The following CEP83 variants were observed in gnomAD, a reference collection of about 807,000 sequenced individuals.
CEP83 encodes the protein centrosomal protein 83, also known as centrosomal protein of 83 kDa.
Under a neutral mutation model 101.9 loss-of-function variants are expected in CEP83, and 70 were observed. That is an observed-to-expected ratio of 0.69 (90% CI 0.57 to 0.84). The LOEUF is 0.84. Ranked by LOEUF, CEP83 falls within the 40% of genes least tolerant of loss-of-function variation. The probability of loss-of-function intolerance (pLI) is 0.00; values close to 1 mark genes in which losing one functional copy is unlikely to be tolerated. For missense variants in CEP83, 715 were observed against 787.2 expected (o/e 0.91, Z 1.10); for synonymous variants, 264 against 267.9 (o/e 0.99, Z 0.14).
chr12:94,328,349 C>A, intron 14 of CEP83: 1 of 265,368 alleles, frequency 3.8e-6, no homozygotes, highest in South Asian at 3.6e-5. Context: ...TCATTTACAC[C>A]AAAGACTACT....
At position 94,405,468 on chromosome 12, in the gene CEP83, G is replaced by A. The variant is rs115225249; in HGVS notation, c.325-2206C>T. ...AGAAAGTAGTAGATAAAACAAGCCT[G>A]GCTCAGAATGAATAATTATTAATGC... On this transcript the variant is annotated intron_variant, in intron 4 of 16. Transcript: ENST00000397809. 2.5e-3 allele frequency among the ~76,000 whole-genome samples: 376 copies of A among 152,260 alleles called. 1 individual carries two copies. The highest frequency in any genetic ancestry group is 8.7e-3 in the African/African-American group (363 of 41,544).
the CEP83 span, chr12:94,282,053 T>G: frequency 2.3e-6 from 1 of 426,534 alleles, no homozygotes; most frequent in African/African-American, 2.0e-5. Flanking sequence ...AATGCATTAT[T>G]TTGTCTTCAG....
chr12:94,440,022 G>A (rs1390351182), intron 1 of CEP83, among the ~76,000 whole-genome samples: 1 of 152,134 alleles, frequency 6.6e-6, no homozygotes, highest in Non-Finnish European at 1.5e-5. Flanking sequence ...CATCGGCATA[G>A]AAGGGACATA....
At chr12:94,314,077 G>A (rs1970290148) in intron 14 of CEP83, among the ~76,000 whole-genome samples, 1 of 152,016 alleles carries the variant, frequency 6.6e-6, no homozygotes, top group African/African-American at 2.4e-5. Context: ...AAAAGTCCAG[G>A]TAAAATGCAA....
intron 2 of CEP83, among the ~76,000 whole-genome samples, chr12:94,418,105 T>C (rs2064427837): frequency 6.6e-6 from 1 of 152,182 alleles, no homozygotes; most frequent in African/African-American, 2.4e-5. Context: ...CTCATGCCTG[T>C]AATCCTAGCA....
chr12:94,406,233 C>A (rs1347300984), intron 4 of CEP83, among the ~76,000 whole-genome samples: 1 of 151,860 alleles, frequency 6.6e-6, no homozygotes, highest in Non-Finnish European at 1.5e-5. Context: ...GAACATGTAT[C>A]AGAATATAAA....
At chr12:94,305,474 T>TAC, downstream of CEP83, 1 of 544,312 alleles carries the variant, frequency 1.8e-6, no homozygotes, top group Admixed American at 3.3e-5. Flanking sequence ...CCTGTGTGTA[T>TAC]ACCGTGGGAA....
intron 4 of CEP83, among the ~76,000 whole-genome samples, chr12:94,404,134 A>G (rs2063408162): frequency 6.6e-6 from 1 of 152,174 alleles, no homozygotes; most frequent in African/African-American, 2.4e-5. Flanking sequence ...GCTGAGGCAC[A>G]CAAGGTATCT....
At chr12:94,455,193 T>A (rs2067573975) in intron 1 of CEP83, among the ~76,000 whole-genome samples, 1 of 152,224 alleles carries the variant, frequency 6.6e-6, no homozygotes, top group Admixed American at 6.5e-5. Context: ...TCATCAGTAC[T>A]CTAAAAAATA....
chr12:94,409,276 C>T (rs2063735646), intron 4 of CEP83, among the ~76,000 whole-genome samples: 1 of 151,798 alleles, frequency 6.6e-6, no homozygotes, highest in East Asian at 1.9e-4. Context: ...CACACAGAAA[C>T]TAGATATGTT....
chr12:94,439,541 C>CA (rs1357954607), intron 1 of CEP83, among the ~76,000 whole-genome samples: 19 of 140,654 alleles, frequency 1.4e-4, no homozygotes, highest in South Asian at 6.8e-4. Flanking sequence ...CAGTAATAAA[C>CA]AAAAAAAATG....
Position 94,400,943 on chromosome 12 carries a change from G to T in CEP83, c.456C>A (p.Arg152=), listed in dbSNP as rs759273602. 5.3e-6 allele frequency: 8 copies of T among 1,507,432 alleles called. No homozygotes were observed. The Admixed American group carries it at 1.6e-4, about 31-fold the overall frequency. 93.4% of individuals were successfully genotyped at this position (1,507,432 alleles called of 1,614,324 possible). ...CTGACTTGAGAAATGTATGTTCATA[G>T]CGAAGCTTATTATATACAGCTCTAT... The part of the protein sequence containing the change: ...EKYRAVYNKL[R]YEHTFLKSEF... The change falls in exon 6 of 17, where the codon CGC becomes CGA. Residue 152 remains arginine, a synonymous_variant. Coordinates refer to ENST00000397809, the MANE Select transcript of CEP83 (RefSeq NM_016122.3).
chr12:94,380,445 A>C (rs1454528790), intron 6 of CEP83, among the ~76,000 whole-genome samples: 1 of 152,186 alleles, frequency 6.6e-6, no homozygotes, highest in African/African-American at 2.4e-5. Flanking sequence ...CAAAAGCCCA[A>C]CTAATTAGTA....
At chr12:94,348,856 T>G (rs995291207) in intron 11 of CEP83, among the ~76,000 whole-genome samples, 7 of 152,216 alleles carry the variant, frequency 4.6e-5, no homozygotes, top group African/African-American at 1.7e-4. Context: ...TGGAACGAAC[T>G]GCACTACAAA....
the CEP83 span, among the ~76,000 whole-genome samples, chr12:94,290,781 G>A: frequency 1.3e-5 from 2 of 152,374 alleles, no homozygotes; most frequent in African/African-American, 4.8e-5. Context: ...GGAAGGCAAG[G>A]TCCAAATTAA....
intron 2 of CEP83, among the ~76,000 whole-genome samples, chr12:94,432,157 CCA>C: frequency 6.6e-6 from 1 of 151,902 alleles, no homozygotes; most frequent in Non-Finnish European, 1.5e-5. Flanking sequence ...CAGGTTCACA[CCA>C]TTCTCCTGCC....
chr12:94,267,712 C>T, the CEP83 span, among the ~76,000 whole-genome samples: 30 of 152,274 alleles, frequency 2.0e-4, no homozygotes, highest in African/African-American at 7.0e-4. Context: ...GCACATGATC[C>T]GTTCTATGCT....
intron 6 of CEP83, among the ~76,000 whole-genome samples, chr12:94,381,832 G>C (rs180674336): frequency 1.4e-4 from 21 of 152,138 alleles, no homozygotes; most frequent in Non-Finnish European, 2.1e-4. Context: ...GATAATGGCA[G>C]GTTCACAAGG....
chr12:94,375,792 T>C (rs2137117497), intron 8 of CEP83, 94 bp downstream of exon 8: 1 of 621,768 alleles, frequency 1.6e-6, no homozygotes, highest in East Asian at 3.3e-5. Context: ...AATAAAACAT[T>C]TCAGTATAAA....
Sources: gnomAD v4.1 joint callset for allele counts (sites outside exome capture counted in the v4.1 genomes callset) on GRCh38, gnomAD v4.1.1 for gene constraint, MANE v1.5 for transcripts, NCBI Gene and HGNC (gene_info 2026-07-23, HGNC 2026-07-21) for gene names.